DLG1: variants seen among roughly 807,000 people sequenced by gnomAD.
DLG1 encodes disks large homolog 1.
Under a neutral mutation model 123.4 loss-of-function variants are expected in DLG1, and 42 were observed. That is an observed-to-expected ratio of 0.34 (90% CI 0.27 to 0.44). The LOEUF is 0.44. Ranked by LOEUF, DLG1 falls within the 20% of genes least tolerant of loss-of-function variation. The probability of loss-of-function intolerance (pLI) is 1.00; values close to 1 mark genes in which losing one functional copy is unlikely to be tolerated. For synonymous variants in DLG1, 317 were observed against 356.2 expected (o/e 0.89, Z 1.24); for missense variants, 942 against 1,082.6 (o/e 0.87, Z 1.82).
At chr3:197,209,386 A>G (rs1730202448) in intron 4 of DLG1, among the ~76,000 whole-genome samples, 1 of 146,844 alleles carries the variant, frequency 6.8e-6, no homozygotes, top group Non-Finnish European at 1.5e-5. Flanking sequence ...CTTAAAATAC[A>G]TAAGCAAAAC....
At chr3:197,101,635 C>T (rs564778428) in intron 14 of DLG1, among the ~76,000 whole-genome samples, 9 of 152,174 alleles carry the variant, frequency 5.9e-5, no homozygotes, top group African/African-American at 1.7e-4. Context: ...GTGATCTGCC[C>T]GCCTAGGCCT....
Position 197,204,779 on chromosome 3 carries a change from C to T in DLG1, c.319-10190G>A, listed in dbSNP as rs540041910. 1.5e-4 allele frequency among the ~76,000 whole-genome samples: 23 copies of T among 152,222 alleles called. No homozygotes were observed. The East Asian group carries it at 4.1e-3, about 27-fold the overall frequency. On this transcript the variant is annotated intron_variant, in intron 4 of 24. Coordinates refer to ENST00000667157, the MANE Select transcript of DLG1 (RefSeq NM_001366207.1). The stretch of plus-strand genomic sequence containing the variant: ...GATTTAAAATACAGGAGGATGTGCA[C>T]GGGTTATATGCAAATACTATGTCTT...
At chr3:197,132,476 A>G (rs1269134843) in intron 10 of DLG1, among the ~76,000 whole-genome samples, 2 of 152,156 alleles carry the variant, frequency 1.3e-5, no homozygotes, top group Non-Finnish European at 2.9e-5. Context: ...ATTTCCCTTC[A>G]CTGATGATTA....
rs530653069 is a variant in DLG1 at position 197,248,342 on chromosome 3, G to A, written c.318+34337C>T. Reference sequence around the variant, plus strand: ...AGGACTTTTCTTCCCGGGTTTATTCGTCATGCCAGGTGGGTCTCAATCTCT... The same window carrying A: ...AGGACTTTTCTTCCCGGGTTTATTCATCATGCCAGGTGGGTCTCAATCTCT... On this transcript the variant is annotated intron_variant, in intron 4 of 24. Transcript: ENST00000667157. 3.9e-5 allele frequency among the ~76,000 whole-genome samples: 6 copies of A among 152,094 alleles called. No homozygotes were observed. In the South Asian group the frequency reaches 8.3e-4, roughly 21 times the overall value.
chr3:197,277,928 C>T (rs1767289082), intron 4 of DLG1, among the ~76,000 whole-genome samples: 1 of 151,230 alleles, frequency 6.6e-6, no homozygotes, highest in Non-Finnish European at 1.5e-5. Flanking sequence ...GAGACCACCA[C>T]CAGGAGTCTG....
intron 5 of DLG1, among the ~76,000 whole-genome samples, chr3:197,191,590 A>T (rs966265391): frequency 2.6e-5 from 4 of 152,204 alleles, no homozygotes; most frequent in African/African-American, 9.7e-5. Flanking sequence ...AAATAAAAAA[A>T]TTATACATAT....
Position 197,202,128 on chromosome 3 carries a change from A to AC in DLG1, c.319-7540dup, listed in dbSNP as rs573112931. On this transcript the variant is annotated intron_variant, in intron 4 of 24. Transcript: ENST00000667157. The stretch of plus-strand genomic sequence containing the variant: ...ATTAATGTAGCAAACCTGCACTTGT[A>AC]CCCCACGATTATATACAAATAAAAC... Among the ~76,000 whole-genome samples, 282 of 152,328 alleles carry AC rather than the reference A, an allele frequency of 1.9e-3. 1 individual carries two copies. Among genetic ancestry groups the AC allele is most frequent in the Non-Finnish European group, 3.4e-3 (234 of 68,038 alleles).
At position 197,090,946 on chromosome 3, in the gene DLG1, G is replaced by A. The variant is rs1757412437; in HGVS notation, c.1627C>T (p.Leu543Phe). 1.2e-6 allele frequency: 2 copies of A among 1,610,832 alleles called. No homozygotes were observed. Reference protein sequence around the residue: ...NSSISSGSGSLRTSQKRSLYV... With the variant: ...NSSISSGSGSFRTSQKRSLYV... ...AGGGATCGCTTCTGGCTAGTTCGAA[G>A]AGAACCTGACCCTGAACTAATACTA... The change falls in exon 15 of 25, where the codon CTT becomes TTT. Residue 543 changes from leucine (L) to phenylalanine (F), a missense_variant. Physicochemically the swap from Leu to Phe is conservative, Grantham distance 22. Coordinates refer to ENST00000667157, the MANE Select transcript of DLG1 (RefSeq NM_001366207.1).
At chr3:197,155,947 T>TATCA (rs1553965752) in intron 5 of DLG1, among the ~76,000 whole-genome samples, 1 of 152,098 alleles carries the variant, frequency 6.6e-6, no homozygotes, top group Non-Finnish European at 1.5e-5. Flanking sequence ...AGACCCTGCC[T>TATCA]ATAAATAAAT....
intron 22 of DLG1, among the ~76,000 whole-genome samples, chr3:197,062,685 C>A (rs1482284262): frequency 6.6e-6 from 1 of 152,126 alleles, no homozygotes; most frequent in Middle Eastern, 3.2e-3. Flanking sequence ...CTAAGGAGTC[C>A]TGGATCTTTT....
chr3:197,295,483 A>C (rs57828780), intron 3 of DLG1, among the ~76,000 whole-genome samples: 20,513 of 95,502 alleles, frequency 0.21, 1,431 homozygotes, highest in Non-Finnish European at 0.24. Flanking sequence ...TAACTAAAAC[A>C]AAAAAAAAAA....
At chr3:197,239,243 T>C (rs1747600385) in intron 4 of DLG1, among the ~76,000 whole-genome samples, 1 of 151,942 alleles carries the variant, frequency 6.6e-6, no homozygotes, top group African/African-American at 2.4e-5. Context: ...GGAAAACTCC[T>C]AGAAACACAA....
chr3:197,212,481 T>C (rs1731778484), intron 4 of DLG1, among the ~76,000 whole-genome samples: 1 of 152,234 alleles, frequency 6.6e-6, no homozygotes, highest in African/African-American at 2.4e-5. Flanking sequence ...AGTTAGTTTC[T>C]TCTAAGGGCT....
intron 3 of DLG1, among the ~76,000 whole-genome samples, chr3:197,289,400 G>C (rs1254241740): frequency 6.6e-6 from 1 of 151,916 alleles, no homozygotes; most frequent in Non-Finnish European, 1.5e-5. Context: ...TCCCATGGAT[G>C]AAGTAGGAGG....
In DLG1 at chr3:197,162,275, T is replaced by A. The variant is rs1036909921; in HGVS notation, c.484-12479A>T. 5.3e-5 allele frequency among the ~76,000 whole-genome samples: 8 copies of A among 150,586 alleles called. 1 individual carries two copies. Among genetic ancestry groups the A allele is most frequent in the African/African-American group, 1.9e-4 (8 of 41,236 alleles). ...GATTGTCTATTACATGCCAGACATA[T>A]CTGGCAAAAATGAAAAAACAACGTA... On this transcript the variant is annotated intron_variant, in intron 5 of 24. Transcript: ENST00000667157.
At chr3:197,205,386 C>T (rs1727988286) in intron 4 of DLG1, among the ~76,000 whole-genome samples, 1 of 152,172 alleles carries the variant, frequency 6.6e-6, no homozygotes, top group Non-Finnish European at 1.5e-5. Flanking sequence ...AATGTAAATA[C>T]AAAGTTCCAA....
At chr3:197,079,811 G>T (rs1749712574) in intron 17 of DLG1, among the ~76,000 whole-genome samples, 1 of 151,792 alleles carries the variant, frequency 6.6e-6, no homozygotes, top group South Asian at 2.1e-4. Context: ...TCTAAAAAAT[G>T]GAATGTAACA....
intron 4 of DLG1, among the ~76,000 whole-genome samples, chr3:197,246,517 C>T (rs1561663692): frequency 6.6e-6 from 1 of 152,140 alleles, no homozygotes. Context: ...CAAGTTTCCC[C>T]CAAAGGTTAG....
intron 4 of DLG1, among the ~76,000 whole-genome samples, chr3:197,220,143 T>C (rs1736202661): frequency 1.3e-5 from 2 of 152,236 alleles, no homozygotes; most frequent in African/African-American, 4.8e-5. Context: ...TGTTTACTGC[T>C]ATATACCTAG....
Sources: allele counts gnomAD v4.1 joint callset (sites outside exome capture counted in the v4.1 genomes callset), GRCh38; gene constraint gnomAD v4.1.1; transcripts MANE v1.5; gene names NCBI Gene and HGNC (gene_info 2026-07-23, HGNC 2026-07-21).